Variants in PTDSS1 observed in about 807,000 individuals in gnomAD.
PTDSS1 encodes the protein phosphatidylserine synthase 1.
A neutral mutation model predicts 70.5 loss-of-function variants in PTDSS1; 45 were observed. The ratio of observed to expected loss-of-function variants is 0.64; its 90% CI spans 0.50 to 0.82. The LOEUF is 0.82. PTDSS1 is among the 40% of genes least tolerant of loss of function. The pLI, the probability that PTDSS1 is intolerant of heterozygous loss-of-function variation, is 0.00. For synonymous variants in PTDSS1, 188 were observed against 203.8 expected, an observed-to-expected ratio of 0.92 and a Z score of 0.66; for missense variants, 417 against 586.1, an observed-to-expected ratio of 0.71 and a Z score of 2.98.
At chr8:96,277,842 TAGG>T (rs570708513) in intron 2 of PTDSS1, among the ~76,000 whole-genome samples, 335 of 152,326 alleles carry the variant, frequency 2.2e-3, no homozygotes, top group African/African-American at 7.7e-3. Flanking sequence ...ACTTTCTCCA[TAGG>T]ATTTTATAAT....
intron 9 of PTDSS1, among the ~76,000 whole-genome samples, chr8:96,313,682 G>A (rs115500316): frequency 8.6e-4 from 131 of 152,288 alleles, no homozygotes; most frequent in African/African-American, 2.9e-3. Flanking sequence ...GCCCAGGGCT[G>A]CATCCTGCCT....
chr8:96,284,760 C>T (rs1810797492), intron 3 of PTDSS1, among the ~76,000 whole-genome samples: 1 of 152,308 alleles, frequency 6.6e-6, no homozygotes, highest in Admixed American at 6.5e-5. Context: ...AAATAAGTCA[C>T]CAAATTATTT....
intron 2 of PTDSS1, among the ~76,000 whole-genome samples, chr8:96,280,649 C>A (rs572799342): frequency 3.3e-5 from 5 of 152,160 alleles, no homozygotes; most frequent in African/African-American, 1.2e-4. Context: ...AAATGTCCCT[C>A]ATAAGAAAAC....
At chr8:96,288,528 G>A (rs755530623) in intron 4 of PTDSS1, among the ~76,000 whole-genome samples, 75 of 151,386 alleles carry the variant, frequency 5.0e-4, no homozygotes, top group African/African-American at 1.5e-3. Context: ...GTCTCACCAC[G>A]TTGGCCAGGC....
intron 11 of PTDSS1, chr8:96,330,539 A>T (rs1811500871): frequency 2.1e-6 from 1 of 485,478 alleles, no homozygotes; most frequent in Non-Finnish European, 3.7e-6. Flanking sequence ...GTTTGGAGAA[A>T]AAAAGAAAAG....
intron 2 of PTDSS1, among the ~76,000 whole-genome samples, chr8:96,273,912 G>C (rs560679823): frequency 6.6e-6 from 1 of 152,302 alleles, no homozygotes; most frequent in East Asian, 1.9e-4. Flanking sequence ...AAAAGACAAT[G>C]ATTTCTGTGA....
At chr8:96,297,913 A>C (rs760353649) in intron 5 of PTDSS1, among the ~76,000 whole-genome samples, 5 of 152,230 alleles carry the variant, frequency 3.3e-5, no homozygotes, top group Non-Finnish European at 7.3e-5. Flanking sequence ...ACAAATCTGT[A>C]GTGAATGAAA....
At chr8:96,275,969 C>T (rs1382417628) in intron 2 of PTDSS1, among the ~76,000 whole-genome samples, 1 of 152,226 alleles carries the variant, frequency 6.6e-6, no homozygotes, top group African/African-American at 2.4e-5. Flanking sequence ...ATGATACGTG[C>T]ATATGTCCTC....
At chr8:96,314,133 C>T (rs1264680939) in intron 9 of PTDSS1, among the ~76,000 whole-genome samples, 1 of 152,088 alleles carries the variant, frequency 6.6e-6, no homozygotes, top group Admixed American at 6.5e-5. Flanking sequence ...CAGCCTTGAC[C>T]TCCCAGACTC....
At chr8:96,290,481 TA>T (rs33956243) in intron 4 of PTDSS1, among the ~76,000 whole-genome samples, 11,115 of 152,256 alleles carry the variant, frequency 0.073, 449 homozygotes, top group African/African-American at 0.082. Flanking sequence ...CAGCCCCAAG[TA>T]GCTGAACCTG....
In PTDSS1 at chr8:96,274,448, G is replaced by A. The variant is rs558513879; in HGVS notation, c.271+1058G>A. On this transcript the variant is annotated intron_variant, in intron 2 of 12. Transcript: ENST00000517309. ...AGAAGATAGAGTAGAAAAAACAGCC[G>A]GGTGCGGCGGCTCATGCCTGTAATC... 1.7e-4 allele frequency among the ~76,000 whole-genome samples: 26 copies of A among 152,206 alleles called. No homozygotes were observed. In the South Asian group the frequency reaches 4.1e-3, roughly 24 times the overall value.
chr8:96,299,693 G>A lies in PTDSS1; in HGVS notation c.601-1G>A. 1 of 1,607,734 alleles carries A rather than the reference G, an allele frequency of 6.2e-7. No individual in the cohort carries two copies. The highest frequency in any genetic ancestry group is 8.5e-7 in the Non-Finnish European group (1 of 1,178,210). ...CAACCATGGGCTCTTGTGTTTCTCA[G>A]CTCTTCTTCATGCATCTCCTCCCCA... On this transcript the variant is annotated splice_acceptor_variant, in intron 5 of 12. Transcript: ENST00000517309. LOFTEE classifies it high-confidence loss of function.
At chr8:96,311,926 A>G (rs1462163364) in intron 9 of PTDSS1, among the ~76,000 whole-genome samples, 1 of 152,164 alleles carries the variant, frequency 6.6e-6, no homozygotes, top group Non-Finnish European at 1.5e-5. Flanking sequence ...CTTTTCCTGC[A>G]TTTGAGCTCT....
intron 2 of PTDSS1, among the ~76,000 whole-genome samples, chr8:96,280,484 G>T (rs573553244): frequency 1.8e-3 from 267 of 152,166 alleles, no homozygotes; most frequent in Middle Eastern, 3.4e-3. Flanking sequence ...ATTGAAGCCT[G>T]CAGTGAGCTG....
intron 8 of PTDSS1, among the ~76,000 whole-genome samples, chr8:96,308,973 G>A (rs189322091): frequency 5.6e-4 from 85 of 152,092 alleles, no homozygotes; most frequent in African/African-American, 1.9e-3. Flanking sequence ...TCCAGTTTCT[G>A]AAAGCCAAAA....
intron 10 of PTDSS1, among the ~76,000 whole-genome samples, chr8:96,321,333 T>C (rs1429491705): frequency 6.6e-6 from 1 of 152,206 alleles, no homozygotes; most frequent in Non-Finnish European, 1.5e-5. Context: ...TTAACAGTAA[T>C]TCCTTAATAT....
At chr8:96,264,994 C>T (rs535899191) in intron 1 of PTDSS1, among the ~76,000 whole-genome samples, 1 of 152,150 alleles carries the variant, frequency 6.6e-6, no homozygotes, top group African/African-American at 2.4e-5. Context: ...TTCGTACTTA[C>T]TAAATCTTAC....
chr8:96,262,282 T>TGGGTGGGGGGGGGGGGGGGGG lies in PTDSS1; in HGVS notation c.179+65_179+66insGTGGGGGGGGGGGGGGGGGGG. On this transcript the variant is annotated intron_variant, in intron 1 of 12. Transcript: ENST00000517309. The surrounding 1 kb of genome is among the most constrained non-coding windows in gnomAD (Gnocchi z 4.4). Reference sequence around the variant, plus strand: ...GCTAGGGAAGAGGCGGGAGGGAGGGTGGCGGGGAGGGGGGCCCGGCATGGC... The same window carrying TGGGTGGGGGGGGGGGGGGGGG: ...GCTAGGGAAGAGGCGGGAGGGAGGGTGGGTGGGGGGGGGGGGGGGGGGGCGGGGAGGGGGGCCCGGCATGGC... 1.2e-5 allele frequency: 3 copies of TGGGTGGGGGGGGGGGGGGGGG among 250,422 alleles called. No homozygotes were observed. The highest frequency in any genetic ancestry group is 8.0e-6 in the Non-Finnish European group (1 of 125,588). The allele number at this position is 250,422 out of a possible 1,614,324, so 15.5% of individuals were successfully genotyped here.
At chr8:96,293,022 G>A (rs1810928938) in intron 4 of PTDSS1, among the ~76,000 whole-genome samples, 1 of 152,190 alleles carries the variant, frequency 6.6e-6, no homozygotes, top group Non-Finnish European at 1.5e-5. Context: ...TAGTAGTGGA[G>A]ATCCTTCTAC....
Sources: allele counts gnomAD v4.1 joint callset (sites outside exome capture counted in the v4.1 genomes callset), GRCh38; gene constraint gnomAD v4.1.1; non-coding constraint Gnocchi (gnomAD v3.1); transcripts MANE v1.5; gene names NCBI Gene and HGNC (gene_info 2026-07-23, HGNC 2026-07-21).